Variants in ZFHX3 observed in about 807,000 individuals in gnomAD.
The protein encoded by ZFHX3 is zinc finger homeobox protein 3.
Under a neutral mutation model 279.1 loss-of-function variants are expected in ZFHX3, and 42 were observed. That is an observed-to-expected ratio of 0.15 (90% CI 0.12 to 0.19). The LOEUF (loss-of-function observed/expected upper bound fraction) is 0.19. ZFHX3 is among the 10% of genes least tolerant of loss of function. ZFHX3 has a pLI of 1.00. For missense variants in ZFHX3, 4,981 were observed against 4,754.0 expected, an observed-to-expected ratio of 1.05 and a Z score of -1.40; for synonymous variants, 2,293 against 1,957.8, an observed-to-expected ratio of 1.17 and a Z score of -4.52.
At chr16:73,341,820 A>G (rs4346228) in intron 3 of ZFHX3, among the ~76,000 whole-genome samples, 109,101 of 152,064 alleles carry the variant, frequency 0.72, 39,712 homozygotes, top group African/African-American at 0.81. Flanking sequence ...ATAATGCTCA[A>G]GTAAAGAAGC....
At chr16:73,683,703 G>A (rs1295205762) in intron 1 of ZFHX3, among the ~76,000 whole-genome samples, 2 of 152,002 alleles carry the variant, frequency 1.3e-5, no homozygotes, top group African/African-American at 4.8e-5. Flanking sequence ...GATTTTAGGT[G>A]ACCCATCATC....
At chr16:73,191,724 CT>C (rs35599767) in intron 5 of ZFHX3, among the ~76,000 whole-genome samples, 25 of 150,076 alleles carry the variant, frequency 1.7e-4, no homozygotes, top group Non-Finnish European at 3.0e-4. Context: ...AGCTGTATTT[CT>C]TTTTTTTTTC....
At chr16:73,342,562 G>A (rs999290007) in intron 3 of ZFHX3, among the ~76,000 whole-genome samples, 1 of 152,124 alleles carries the variant, frequency 6.6e-6, no homozygotes, top group Non-Finnish European at 1.5e-5. Context: ...AAGAAAACGG[G>A]TGCAAAAGAT....
chr16:72,998,844 C>T (rs1963388637), intron 1 of ZFHX3, among the ~76,000 whole-genome samples: 1 of 152,224 alleles, frequency 6.6e-6, no homozygotes, highest in African/African-American at 2.4e-5. Context: ...AACAGATTTT[C>T]ACAGAATTGT....
At chr16:73,414,114 C>T (rs561887000) in intron 3 of ZFHX3, among the ~76,000 whole-genome samples, 7 of 152,312 alleles carry the variant, frequency 4.6e-5, no homozygotes, top group African/African-American at 1.7e-4. Context: ...ACTAACCTTC[C>T]AAGAAACACA....
intron 2 of ZFHX3, among the ~76,000 whole-genome samples, chr16:73,542,776 TA>T (rs941707201): frequency 4.0e-5 from 6 of 151,328 alleles, no homozygotes; most frequent in East Asian, 1.9e-4. Context: ...ATACTCATAC[TA>T]AAAAAAAATA....
intron 1 of ZFHX3, among the ~76,000 whole-genome samples, chr16:72,981,665 A>G (rs1313049109): frequency 6.6e-6 from 1 of 152,088 alleles, no homozygotes; most frequent in South Asian, 2.1e-4. Flanking sequence ...GCTTCTGGCC[A>G]TATGTGGGCC....
chr16:72,826,676 CG>C (rs1567535585), intron 5 of ZFHX3, among the ~76,000 whole-genome samples: 1 of 152,082 alleles, frequency 6.6e-6, no homozygotes, highest in Non-Finnish European at 1.5e-5. Context: ...TTGCAGGAGT[CG>C]GGAAAGAATT....
At chr16:73,881,167 G>A (rs990728450) in intron 1 of ZFHX3, among the ~76,000 whole-genome samples, 1 of 152,054 alleles carries the variant, frequency 6.6e-6, no homozygotes, top group Non-Finnish European at 1.5e-5. Context: ...TAGATGAACT[G>A]TCTCTGTATT....
chr16:73,459,075 A>T (rs2018426394), intron 2 of ZFHX3, among the ~76,000 whole-genome samples: 1 of 152,260 alleles, frequency 6.6e-6, no homozygotes, highest in Non-Finnish European at 1.5e-5. Context: ...GTAGACACGT[A>T]TGTGAGACAT....
chr16:73,313,628 G>A lies in ZFHX3; in HGVS notation c.-1194+4612C>T, dbSNP rs777459150. On this transcript the variant is annotated intron_variant, in intron 4 of 17. Transcript: ENST00000641206. ...AACCTGGCACTTCAGACTCCATAGC[G>A]GTATTAGTAACAATAGAACTAGGAA... 2.8e-4 allele frequency among the ~76,000 whole-genome samples: 43 copies of A among 152,108 alleles called. 1 individual carries two copies. Among genetic ancestry groups the A allele is most frequent in the Admixed American group, 2.1e-3 (32 of 15,264 alleles).
At chr16:73,845,547 GA>G (rs997441880) in intron 1 of ZFHX3, among the ~76,000 whole-genome samples, 28 of 142,752 alleles carry the variant, frequency 2.0e-4, no homozygotes, top group East Asian at 4.1e-4. Context: ...TCATTTTTTA[GA>G]AAAAAAAAAA....
At chr16:73,553,445 G>C (rs1368284710) in intron 2 of ZFHX3, among the ~76,000 whole-genome samples, 1 of 152,132 alleles carries the variant, frequency 6.6e-6, no homozygotes. Context: ...ACCAATGTGT[G>C]ACAGAAAACG....
chr16:73,409,620 A>G (rs752927116), intron 3 of ZFHX3, among the ~76,000 whole-genome samples: 15 of 152,242 alleles, frequency 9.9e-5, no homozygotes, highest in Admixed American at 5.9e-4. Context: ...TGCTGGGTAT[A>G]ATCCCCAAGA....
intron 5 of ZFHX3, among the ~76,000 whole-genome samples, chr16:73,193,248 A>G (rs1968080765): frequency 6.6e-6 from 1 of 152,114 alleles, no homozygotes; most frequent in Non-Finnish European, 1.5e-5. Flanking sequence ...GCTATAACCT[A>G]GTCTTGTGAC....
chr16:73,494,733 T>A (rs911950214), intron 2 of ZFHX3, among the ~76,000 whole-genome samples: 1 of 151,978 alleles, frequency 6.6e-6, no homozygotes, highest in Non-Finnish European at 1.5e-5. Context: ...CTAATTTTTT[T>A]TTTTTTTTAT....
At chr16:73,488,890 G>A (rs1239045406) in intron 2 of ZFHX3, among the ~76,000 whole-genome samples, 2 of 152,092 alleles carry the variant, frequency 1.3e-5, no homozygotes, top group African/African-American at 4.8e-5. Context: ...GTGACCCTGG[G>A]CAATTTATTT....
chr16:72,876,583 G>T (rs555131928), intron 4 of ZFHX3, among the ~76,000 whole-genome samples: 1 of 150,738 alleles, frequency 6.6e-6, no homozygotes, highest in Admixed American at 6.6e-5. Flanking sequence ...GTTCTACCCA[G>T]GCATGTTGAA....
chr16:73,240,438 C>G (rs188698702), intron 5 of ZFHX3, among the ~76,000 whole-genome samples: 1 of 152,036 alleles, frequency 6.6e-6, no homozygotes, highest in African/African-American at 2.4e-5. Context: ...AGTCTGATCT[C>G]GAACTCCTGA....
Sources: gnomAD v4.1 joint callset for allele counts (sites outside exome capture counted in the v4.1 genomes callset) on GRCh38, gnomAD v4.1.1 for gene constraint, MANE v1.5 for transcripts, NCBI Gene and HGNC (gene_info 2026-07-23, HGNC 2026-07-21) for gene names.